WDR19: variants seen among roughly 807,000 people sequenced by gnomAD.
WDR19 encodes the protein WD repeat-containing protein 19.
A neutral mutation model predicts 180.0 loss-of-function variants in WDR19; 121 were observed. The ratio of observed to expected loss-of-function variants is 0.67; its 90% CI spans 0.58 to 0.78. WDR19 has a LOEUF of 0.78. WDR19 is among the 30% of genes least tolerant of loss of function. The pLI, the probability that WDR19 is intolerant of heterozygous loss-of-function variation, is 0.00. For missense variants in WDR19, 1,450 were observed against 1,640.7 expected (o/e 0.88, Z 2.01); for synonymous variants, 497 against 540.7 (o/e 0.92, Z 1.12).
intron 20 of WDR19, among the ~76,000 whole-genome samples, chr4:39,236,328 A>G (rs1425873541): frequency 1.3e-5 from 2 of 152,076 alleles, no homozygotes; most frequent in Non-Finnish European, 2.9e-5. Flanking sequence ...ACTCAGCCAT[A>G]AAACAAGAAT....
rs1725575465 is a variant in WDR19 at position 39,186,541 on chromosome 4, C to T, written c.101C>T (p.Ala34Val). Residue 34 changes from alanine to valine, a missense_variant and splice_region_variant, in exon 3 of 37, where the codon GCT (alanine) becomes GTT (valine). By Grantham distance (64) the Ala-to-Val change is moderately conservative. Coordinates refer to ENST00000399820, the MANE Select transcript of WDR19 (RefSeq NM_025132.4). ...TSGNYLAVTG[A>V]DYIVKIFDRH... Reference sequence around the variant, plus strand: ...CTTTATGTTCTGATTGCTTTCAGAGCTGATTATATTGTGAAAATCTTTGAT... The same window carrying T: ...CTTTATGTTCTGATTGCTTTCAGAGTTGATTATATTGTGAAAATCTTTGAT... 2 of 1,474,346 alleles carry T rather than the reference C, an allele frequency of 1.4e-6. No homozygotes were observed. The highest frequency in any genetic ancestry group is 2.1e-5 in the Admixed American group (1 of 48,246). 91.3% of individuals were successfully genotyped at this position (1,474,346 alleles called of 1,614,324 possible).
At chr4:39,268,944 G>C (rs1735071634) in intron 30 of WDR19, among the ~76,000 whole-genome samples, 1 of 152,212 alleles carries the variant, frequency 6.6e-6, no homozygotes, top group African/African-American at 2.4e-5. Flanking sequence ...GGGAGAGTTG[G>C]AGGATGGAGA....
intron 17 of WDR19, among the ~76,000 whole-genome samples, chr4:39,229,454 C>CTAGT (rs1730619926): frequency 1.3e-5 from 2 of 152,126 alleles, no homozygotes; most frequent in Non-Finnish European, 2.9e-5. Flanking sequence ...TCCAGAGAGC[C>CTAGT]TAGTTATTGG....
intron 14 of WDR19, among the ~76,000 whole-genome samples, chr4:39,220,077 CG>C (rs1308401063): frequency 2.0e-5 from 3 of 151,734 alleles, no homozygotes; most frequent in Non-Finnish European, 4.4e-5. Context: ...AAAAAATAGC[CG>C]GGCGTGGTCA....
At chr4:39,203,203 G>A (rs1471009707) in intron 6 of WDR19, among the ~76,000 whole-genome samples, 3 of 150,320 alleles carry the variant, frequency 2.0e-5, no homozygotes, top group East Asian at 2.0e-4. Flanking sequence ...GGGCTCAAGC[G>A]ATCCTCCCAC....
chr4:39,193,438 G>A (rs1220488782), intron 4 of WDR19, among the ~76,000 whole-genome samples: 1 of 152,094 alleles, frequency 6.6e-6, no homozygotes, highest in African/African-American at 2.4e-5. Context: ...GGTTACAGGC[G>A]TGAGTCACCA....
chr4:39,277,514 C>T (rs1736017472), intron 34 of WDR19, among the ~76,000 whole-genome samples: 1 of 152,096 alleles, frequency 6.6e-6, no homozygotes, highest in Non-Finnish European at 1.5e-5. Context: ...AATATTGAGA[C>T]CTAGTATCAG....
chr4:39,219,507 C>T (rs1404746037), intron 14 of WDR19, among the ~76,000 whole-genome samples: 2 of 152,178 alleles, frequency 1.3e-5, no homozygotes, highest in African/African-American at 2.4e-5. Context: ...ATTTTGATGG[C>T]CTAGTGAAAA....
At chr4:39,284,190 CA>C (rs1348022359) in intron 36 of WDR19, among the ~76,000 whole-genome samples, 8 of 152,030 alleles carry the variant, frequency 5.3e-5, no homozygotes, top group African/African-American at 1.9e-4. Flanking sequence ...TCTGGAACTC[CA>C]GTAATATCTG....
At chr4:39,268,835 G>T (rs1735062832) in intron 30 of WDR19, among the ~76,000 whole-genome samples, 1 of 152,132 alleles carries the variant, frequency 6.6e-6, no homozygotes, top group East Asian at 1.9e-4. Context: ...AGTTGGACGG[G>T]ATGACAAGTG....
At chr4:39,259,717 T>A (rs1294493198) in intron 28 of WDR19, among the ~76,000 whole-genome samples, 4 of 152,154 alleles carry the variant, frequency 2.6e-5, no homozygotes, top group Non-Finnish European at 5.9e-5. Context: ...TGTGTGTGAG[T>A]TTTCATTTCT....
At chr4:39,229,092 G>A (rs962413591) in intron 17 of WDR19, among the ~76,000 whole-genome samples, 7 of 152,054 alleles carry the variant, frequency 4.6e-5, no homozygotes, top group Non-Finnish European at 7.4e-5. Context: ...TAATGACCTC[G>A]AATTCCATCC....
In WDR19 at chr4:39,268,107, G is replaced by T; in HGVS notation, c.3358+16G>T. The stretch of plus-strand genomic sequence containing the variant: ...CAGTCTGCAGGTAGGTCCGTGATAC[G>T]TATGTGTTACTTCCCAAGCAGGCAG... On this transcript the variant is annotated intron_variant, in intron 30 of 36. Coordinates refer to ENST00000399820, the MANE Select transcript of WDR19 (RefSeq NM_025132.4). 6.4e-7 allele frequency: 1 copy of T among 1,553,062 alleles called. No homozygotes were observed. Among genetic ancestry groups the T allele is most frequent in the Non-Finnish European group, 8.7e-7 (1 of 1,144,182 alleles).
At chr4:39,279,395 C>T (rs1736233319) in intron 36 of WDR19, among the ~76,000 whole-genome samples, 1 of 152,202 alleles carries the variant, frequency 6.6e-6, no homozygotes, top group Non-Finnish European at 1.5e-5. Flanking sequence ...TACCTCTCAC[C>T]CTCAGCCCCC....
chr4:39,266,256 T>C (rs1306614872), intron 29 of WDR19, 116 bp downstream of exon 29: 1 of 836,316 alleles, frequency 1.2e-6, no homozygotes, highest in East Asian at 2.8e-5. Context: ...TCTCTGCCAG[T>C]AGTGTAGATC....
In WDR19 at chr4:39,228,482, G is replaced by A. The variant is rs766293585; in HGVS notation, c.1778-4G>A. On this transcript the variant is annotated splice_region_variant and splice_polypyrimidine_tract_variant and intron_variant, in intron 16 of 36. Coordinates refer to ENST00000399820, the MANE Select transcript of WDR19 (RefSeq NM_025132.4). Reference sequence around the variant, plus strand: ...AGCATTGCGATGTCTGTTTTATAATGTAGGAGCCAAGGTTATTTTGGCTGG... The same window carrying A: ...AGCATTGCGATGTCTGTTTTATAATATAGGAGCCAAGGTTATTTTGGCTGG... The A allele has an allele frequency of 8.1e-6, 13 of 1,613,442 alleles. No individual in the cohort carries two copies. The highest frequency in any genetic ancestry group is 1.1e-5 in the Non-Finnish European group (13 of 1,179,716).
At chr4:39,251,852 G>A (rs1319061906) in intron 24 of WDR19, among the ~76,000 whole-genome samples, 6 of 152,118 alleles carry the variant, frequency 3.9e-5, no homozygotes, top group African/African-American at 1.2e-4. Context: ...AAAAAGTCAG[G>A]AAACAACAGG....
chr4:39,189,101 T>C (rs1725882870), intron 3 of WDR19, among the ~76,000 whole-genome samples: 1 of 152,054 alleles, frequency 6.6e-6, no homozygotes, highest in Non-Finnish European at 1.5e-5. Context: ...TTTTGTATTT[T>C]TTAGTAGAGA....
At chr4:39,210,435 C>T (rs559388211) in intron 9 of WDR19, among the ~76,000 whole-genome samples, 17 of 152,354 alleles carry the variant, frequency 1.1e-4, no homozygotes, top group Non-Finnish European at 2.1e-4. Flanking sequence ...GTAATCCCAG[C>T]GCTTTGGGAG....
Sources: gnomAD v4.1 joint callset for allele counts (sites outside exome capture counted in the v4.1 genomes callset) on GRCh38, gnomAD v4.1.1 for gene constraint, MANE v1.5 for transcripts, NCBI Gene and HGNC (gene_info 2026-07-23, HGNC 2026-07-21) for gene names.